LYPD6: variants seen among roughly 807,000 people sequenced by gnomAD.
The protein encoded by LYPD6 is ly6/PLAUR domain-containing protein 6.
A neutral mutation model predicts 22.7 loss-of-function variants in LYPD6; 15 were observed. The observed-to-expected ratio is 0.66, with a 90% CI of 0.44 to 1.02. The LOEUF (loss-of-function observed/expected upper bound fraction) is 1.02. Among genes scored for constraint, LYPD6 ranks in the 50% least tolerant of loss-of-function variants. LYPD6 has a pLI of 0.00. For missense variants in LYPD6, 189 were observed against 208.4 expected (o/e 0.91, Z 0.57); for synonymous variants, 72 against 77.5 (o/e 0.93, Z 0.37).
At chr2:149,365,979 A>G (rs1182781058) in intron 1 of LYPD6, among the ~76,000 whole-genome samples, 1 of 152,210 alleles carries the variant, frequency 6.6e-6, no homozygotes, top group African/African-American at 2.4e-5. Flanking sequence ...TATGTGTGCA[A>G]CTAGTGGAAC....
chr2:149,439,676 G>T (rs1369962107), intron 2 of LYPD6, among the ~76,000 whole-genome samples: 2 of 152,158 alleles, frequency 1.3e-5, no homozygotes, highest in Admixed American at 1.3e-4. Context: ...CCTGTGTGTT[G>T]GGTCTCTATT....
intron 2 of LYPD6, among the ~76,000 whole-genome samples, chr2:149,441,812 C>T (rs527351674): frequency 2.8e-4 from 43 of 152,290 alleles, no homozygotes; most frequent in Non-Finnish European, 2.6e-4. Flanking sequence ...TAAGTGGCTG[C>T]GACCTATTCT....
chr2:149,485,620 C>T, the LYPD6 span, among the ~76,000 whole-genome samples: 182 of 152,278 alleles, frequency 1.2e-3, 1 homozygote, highest in Non-Finnish European at 1.6e-3. Context: ...GTTTGTCTGA[C>T]GCTGAGCCAG....
At chr2:149,481,661 G>T in the LYPD6 span, among the ~76,000 whole-genome samples, 1 of 152,118 alleles carries the variant, frequency 6.6e-6, no homozygotes, top group Non-Finnish European at 1.5e-5. Context: ...TTGCTCTAAA[G>T]ACATTTTCAA....
At chr2:149,443,193 A>G (rs1400279831) in intron 2 of LYPD6, among the ~76,000 whole-genome samples, 1 of 152,218 alleles carries the variant, frequency 6.6e-6, no homozygotes, top group Non-Finnish European at 1.5e-5. Context: ...AGTAATTCAA[A>G]TTTGTGAACA....
intron 1 of LYPD6, among the ~76,000 whole-genome samples, chr2:149,407,653 T>G (rs914880310): frequency 6.6e-6 from 1 of 152,198 alleles, no homozygotes; most frequent in Non-Finnish European, 1.5e-5. Flanking sequence ...TTTCAAACTT[T>G]TCAACTTCTT....
intron 1 of LYPD6, among the ~76,000 whole-genome samples, chr2:149,410,004 A>G (rs1682817710): frequency 6.6e-6 from 1 of 152,156 alleles, no homozygotes; most frequent in African/African-American, 2.4e-5. Context: ...CATGATGTGC[A>G]TCTCCACACA....
At position 149,437,672 on chromosome 2, in the gene LYPD6, T is replaced by C; in HGVS notation, c.-37T>C. On this transcript the variant is annotated 5_prime_UTR_variant, in exon 2 of 5. Coordinates refer to ENST00000334166, the MANE Select transcript of LYPD6 (RefSeq NM_194317.5). ...CTCTCCTGTTGCCCTGAGTGCCCAC[T>C]CCCAGGCCCTCTGTATGAGTGACAC... The C allele has an allele frequency of 6.2e-7, 1 of 1,611,306 alleles. No homozygotes were observed. Among genetic ancestry groups the C allele is most frequent in the Non-Finnish European group, 8.5e-7 (1 of 1,178,424 alleles).
chr2:149,384,590 A>G (rs1682138619), intron 1 of LYPD6, among the ~76,000 whole-genome samples: 1 of 152,200 alleles, frequency 6.6e-6, no homozygotes, highest in Non-Finnish European at 1.5e-5. Context: ...TGTTGGCACT[A>G]TAGCTGTTAA....
At chr2:149,378,940 C>T (rs892945478) in intron 1 of LYPD6, among the ~76,000 whole-genome samples, 10 of 152,128 alleles carry the variant, frequency 6.6e-5, no homozygotes, top group African/African-American at 2.4e-4. Flanking sequence ...TACTGGTTGT[C>T]AAATGTCAAA....
chr2:149,377,874 T>C (rs1681964646), intron 1 of LYPD6, among the ~76,000 whole-genome samples: 1 of 148,888 alleles, frequency 6.7e-6, no homozygotes, highest in African/African-American at 2.5e-5. Context: ...GGCTTTATCA[T>C]TACTCTTGCC....
intron 3 of LYPD6, among the ~76,000 whole-genome samples, chr2:149,460,141 CA>C (rs1415257891): frequency 1.3e-5 from 2 of 151,906 alleles, no homozygotes; most frequent in Non-Finnish European, 2.9e-5. Context: ...TAAGAAAAAA[CA>C]AAAACAAGAC....
chr2:149,378,455 A>C (rs1681982544), intron 1 of LYPD6, among the ~76,000 whole-genome samples: 1 of 152,204 alleles, frequency 6.6e-6, no homozygotes, highest in African/African-American at 2.4e-5. Context: ...CCATCATTTC[A>C]TGTTAATTCT....
At chr2:149,384,914 G>A (rs1163019544) in intron 1 of LYPD6, among the ~76,000 whole-genome samples, 1 of 126,710 alleles carries the variant, frequency 7.9e-6, no homozygotes, top group Admixed American at 1.0e-4. Context: ...AGAGTGTGAT[G>A]TTCCCCTTCC....
chr2:149,388,869 A>G (rs1484040302), intron 1 of LYPD6, among the ~76,000 whole-genome samples: 3 of 152,222 alleles, frequency 2.0e-5, no homozygotes, highest in Admixed American at 6.5e-5. Context: ...AAGAAAATTA[A>G]AAGTTATCAA....
At chr2:149,421,082 T>G (rs1482819480) in intron 1 of LYPD6, among the ~76,000 whole-genome samples, 1 of 152,142 alleles carries the variant, frequency 6.6e-6, no homozygotes, top group Non-Finnish European at 1.5e-5. Context: ...ACCTTGGCCC[T>G]TTTTGATACC....
Position 149,449,086 on chromosome 2 carries a change from T to C in LYPD6, c.156T>C (p.Cys52=). The change falls in exon 3 of 5, where the codon TGT becomes TGC. Residue 52 remains cysteine (C), a synonymous_variant. Coordinates refer to ENST00000334166, the MANE Select transcript of LYPD6 (RefSeq NM_194317.5). ...PYPGGFKCFT[C]EKAADNYECN... ...CTGGTGGATTTAAATGTTTCACCTG[T>C]GAAAAGGCAGCAGACAATTATGAGT... 1 of 1,613,692 alleles carries C rather than the reference T, an allele frequency of 6.2e-7. No homozygotes were observed.
At chr2:149,400,711 G>T (rs1682536106) in intron 1 of LYPD6, among the ~76,000 whole-genome samples, 2 of 152,318 alleles carry the variant, frequency 1.3e-5, no homozygotes, top group South Asian at 4.1e-4. Context: ...GTTTTGATAA[G>T]AGTGAAAGAT....
chr2:149,419,303 C>T (rs776075426), intron 1 of LYPD6, among the ~76,000 whole-genome samples: 1 of 152,050 alleles, frequency 6.6e-6, no homozygotes, highest in Non-Finnish European at 1.5e-5. Flanking sequence ...ATTTAATTAA[C>T]GTTGATGTGT....
Sources: allele counts gnomAD v4.1 joint callset (sites outside exome capture counted in the v4.1 genomes callset), GRCh38; gene constraint gnomAD v4.1.1; transcripts MANE v1.5; gene names NCBI Gene and HGNC (gene_info 2026-07-23, HGNC 2026-07-21).